Variants in XPR1 observed in about 807,000 individuals in gnomAD.
The protein encoded by XPR1 is xenotropic and polytropic retrovirus receptor 1.
XPR1 carries 28 observed loss-of-function variants against 87.5 expected under a neutral mutation model. That is an observed-to-expected ratio of 0.32 (90% CI 0.24 to 0.44). The LOEUF (loss-of-function observed/expected upper bound fraction) is 0.44, where lower values mean the gene tolerates loss of function less well. Ranked by LOEUF, XPR1 falls within the 20% of genes least tolerant of loss-of-function variation. The pLI is 1.00. For synonymous variants in XPR1, 300 were observed against 306.1 expected (o/e 0.98, Z 0.21); for missense variants, 559 against 862.3 (o/e 0.65, Z 4.41).
At chr1:180,840,229 CAAAA>C (rs5779073) in intron 11 of XPR1, among the ~76,000 whole-genome samples, 9 of 66,818 alleles carry the variant, frequency 1.3e-4, no homozygotes, top group African/African-American at 2.0e-4. Flanking sequence ...GACTCTGTCT[CAAAA>C]AAAAAAAAAA....
intron 2 of XPR1, among the ~76,000 whole-genome samples, chr1:180,766,387 A>C (rs1292881060): frequency 6.6e-6 from 1 of 152,206 alleles, no homozygotes; most frequent in Non-Finnish European, 1.5e-5. Context: ...TAAGGAAAGA[A>C]ATGCTGAATC....
rs558524771 is a variant in XPR1 at position 180,823,644 on chromosome 1, G to A, written c.764-1109G>A. ...GAATTGTGAGGCTAAGGTATCTAAA[G>A]TATTTGAACATTATAATTACTGGCG... On this transcript the variant is annotated intron_variant, in intron 7 of 14. Coordinates refer to ENST00000367590, the MANE Select transcript of XPR1 (RefSeq NM_004736.4). 1.8e-3 allele frequency among the ~76,000 whole-genome samples: 267 copies of A among 152,320 alleles called. 1 individual carries two copies. The highest frequency in any genetic ancestry group is 6.3e-3 in the African/African-American group (260 of 41,564).
At chr1:180,663,800 C>T (rs1325955794) in intron 1 of XPR1, among the ~76,000 whole-genome samples, 1 of 152,186 alleles carries the variant, frequency 6.6e-6, no homozygotes, top group African/African-American at 2.4e-5. Context: ...ATTCTGAAAC[C>T]TTAGAAATCT....
chr1:180,881,409 C>T (rs1222155794), intron 14 of XPR1, among the ~76,000 whole-genome samples: 1 of 152,162 alleles, frequency 6.6e-6, no homozygotes, highest in Non-Finnish European at 1.5e-5. Context: ...GTGATCCGCC[C>T]GCATTGGCCT....
chr1:180,689,092 A>G (rs956882449), intron 2 of XPR1, among the ~76,000 whole-genome samples: 5 of 152,146 alleles, frequency 3.3e-5, no homozygotes, highest in Non-Finnish European at 5.9e-5. Flanking sequence ...TCCAATAGTC[A>G]ACCAAGGTAA....
intron 1 of XPR1, among the ~76,000 whole-genome samples, chr1:180,678,137 C>A (rs532092153): frequency 1.3e-5 from 2 of 152,202 alleles, no homozygotes; most frequent in Non-Finnish European, 2.9e-5. Flanking sequence ...ATGGAGATGG[C>A]ACAGAGCCTG....
chr1:180,662,354 G>T (rs1470250502), intron 1 of XPR1, among the ~76,000 whole-genome samples: 2 of 152,028 alleles, frequency 1.3e-5, no homozygotes, highest in East Asian at 1.9e-4. Flanking sequence ...ACCGGAAAAG[G>T]CTTTATTTCT....
chr1:180,860,126 G>T (rs1652173564), intron 11 of XPR1, among the ~76,000 whole-genome samples: 1 of 151,880 alleles, frequency 6.6e-6, no homozygotes, highest in Admixed American at 6.6e-5. Flanking sequence ...GACATCACTA[G>T]TCATCAGAGG....
chr1:180,831,416 C>CT (rs1165466448), intron 9 of XPR1, among the ~76,000 whole-genome samples: 2 of 87,106 alleles, frequency 2.3e-5, no homozygotes, highest in African/African-American at 8.4e-5. Flanking sequence ...TTTATATATA[C>CT]TTTAAGTTCT....
chr1:180,728,230 CAG>C (rs1408328344), intron 2 of XPR1, among the ~76,000 whole-genome samples: 2 of 137,990 alleles, frequency 1.4e-5, no homozygotes, highest in African/African-American at 5.6e-5. Context: ...GTCTTGGAGA[CAG>C]AAAATATGAA....
At chr1:180,727,049 G>T (rs1658379839) in intron 2 of XPR1, among the ~76,000 whole-genome samples, 1 of 151,818 alleles carries the variant, frequency 6.6e-6, no homozygotes, top group African/African-American at 2.4e-5. Flanking sequence ...TAATTTTTTT[G>T]TGTTTTTAGT....
chr1:180,841,664 T>C (rs952398988), intron 11 of XPR1, among the ~76,000 whole-genome samples: 2 of 152,178 alleles, frequency 1.3e-5, no homozygotes, highest in African/African-American at 4.8e-5. Context: ...TGTTTGGCTT[T>C]TTGCCCAAGT....
chr1:180,837,606 A>C (rs1466325534), intron 11 of XPR1, among the ~76,000 whole-genome samples: 1 of 152,196 alleles, frequency 6.6e-6, no homozygotes, highest in Non-Finnish European at 1.5e-5. Flanking sequence ...TTGATGCAGC[A>C]GATGATATTT....
At chr1:180,722,025 GGCTGAGGTTGGCGAATT>G (rs1658193881) in intron 2 of XPR1, among the ~76,000 whole-genome samples, 1 of 152,096 alleles carries the variant, frequency 6.6e-6, no homozygotes, top group African/African-American at 2.4e-5. Context: ...CACTTTGAGA[GGCTGAGGTTGGCGAATT>G]GCTTGAGCTC....
intron 2 of XPR1, among the ~76,000 whole-genome samples, chr1:180,777,618 C>T (rs1648773129): frequency 1.3e-5 from 2 of 152,052 alleles, no homozygotes; most frequent in Non-Finnish European, 2.9e-5. Context: ...CATTTTTTAT[C>T]TTTGAAATCT....
At chr1:180,824,712 T>A (rs1650765125) in intron 7 of XPR1, 41 bp from the exon 8 acceptor site, 1 of 1,505,456 alleles carries the variant, frequency 6.6e-7, no homozygotes, top group African/African-American at 1.4e-5. Context: ...CAAGGGAAGT[T>A]ATGAATTTTA....
At chr1:180,772,429 T>A (rs1266597862) in intron 2 of XPR1, among the ~76,000 whole-genome samples, 1 of 152,158 alleles carries the variant, frequency 6.6e-6, no homozygotes, top group East Asian at 1.9e-4. Flanking sequence ...TACTAGACTA[T>A]TATTGCTGCT....
At chr1:180,735,198 TA>T (rs1266505788) in intron 2 of XPR1, among the ~76,000 whole-genome samples, 1 of 152,236 alleles carries the variant, frequency 6.6e-6, no homozygotes, top group African/African-American at 2.4e-5. Flanking sequence ...GAAAACTGTC[TA>T]ATCAAATAGT....
chr1:180,854,948 A>G (rs1040669680), intron 11 of XPR1, among the ~76,000 whole-genome samples: 3 of 152,208 alleles, frequency 2.0e-5, no homozygotes, highest in Non-Finnish European at 2.9e-5. Context: ...TGCCTTTCCC[A>G]AGTATTTGTT....
Sources: gnomAD v4.1 joint callset for allele counts (sites outside exome capture counted in the v4.1 genomes callset) on GRCh38, gnomAD v4.1.1 for gene constraint, MANE v1.5 for transcripts, NCBI Gene and HGNC (gene_info 2026-07-23, HGNC 2026-07-21) for gene names.